The following USP38 variants were observed in gnomAD, a reference collection of about 807,000 sequenced individuals.
USP38 encodes ubiquitin carboxyl-terminal hydrolase 38.
In USP38, 49 loss-of-function variants were observed where a neutral mutation model predicts 94.3. That is an observed-to-expected ratio of 0.52 (90% confidence interval 0.41 to 0.66). USP38 has a LOEUF of 0.66. Ranked by LOEUF, USP38 falls within the 30% of genes least tolerant of loss-of-function variation. The probability of loss-of-function intolerance (pLI) is 0.00; values close to 1 mark genes in which losing one functional copy is unlikely to be tolerated. For synonymous variants in USP38, 468 were observed against 463.6 expected (o/e 1.01, Z -0.12); for missense variants, 1,128 against 1,229.4 (o/e 0.92, Z 1.23).
chr4:143,209,503 G>T, intron 6 of USP38, 61 bp from the exon 7 acceptor site: 1 of 953,144 alleles, frequency 1.0e-6, no homozygotes. Context: ...AAAAAAAAAA[G>T]CTTTTAATAA....
Position 143,185,351 on chromosome 4 carries a change from C to G in USP38, c.-100C>G. On this transcript the variant is annotated 5_prime_UTR_variant, in exon 1 of 10. Coordinates refer to ENST00000307017, the MANE Select transcript of USP38 (RefSeq NM_032557.6). Reference sequence around the variant, plus strand: ...GTGGCCCGTCGCGCTGCTGCTGCGGCGCTCCAAGTTCATCTCCGCCCCGGG... The same window carrying G: ...GTGGCCCGTCGCGCTGCTGCTGCGGGGCTCCAAGTTCATCTCCGCCCCGGG... The G allele has an allele frequency of 7.5e-7, 1 of 1,328,306 alleles. No homozygotes were observed. The highest frequency in any genetic ancestry group is 1.5e-5 in the African/African-American group (1 of 67,896). The allele number at this position is 1,328,306 out of a possible 1,614,324, so 82.3% of individuals were successfully genotyped here.
intron 3 of USP38, among the ~76,000 whole-genome samples, chr4:143,197,097 T>A (rs75053860): frequency 1.3e-5 from 2 of 152,210 alleles, no homozygotes; most frequent in Non-Finnish European, 2.9e-5. Context: ...CATTTCCCAC[T>A]GTTACTGCCT....
At chr4:143,196,201 G>A (rs1233725583) in intron 3 of USP38, among the ~76,000 whole-genome samples, 1 of 152,150 alleles carries the variant, frequency 6.6e-6, no homozygotes, top group Non-Finnish European at 1.5e-5. Flanking sequence ...AGCTGCTCAG[G>A]AGGCTGAGGC....
chr4:143,214,833 A>G lies in USP38; in HGVS notation c.2857A>G (p.Asn953Asp). The G allele has an allele frequency of 1.9e-6, 3 of 1,613,714 alleles. No individual in the cohort carries two copies. The highest frequency in any genetic ancestry group is 2.5e-6 in the Non-Finnish European group (3 of 1,179,756). The change falls in exon 9 of 10, where the codon AAT (asparagine) becomes GAT (aspartate). Residue 953 changes from asparagine (N) to aspartate (D), a missense_variant. Transcript: ENST00000307017. ...VLLYKKQHST[N>D]GLSGNNPTSG... ...TTTGTATAAAAAACAGCATAGTACTAATGGTTTAAGTGGTAATAACCCAAC... is the reference window on the plus strand; with the variant it reads ...TTTGTATAAAAAACAGCATAGTACTGATGGTTTAAGTGGTAATAACCCAAC...
intron 2 of USP38, among the ~76,000 whole-genome samples, chr4:143,189,250 T>C (rs1419857092): frequency 6.6e-6 from 1 of 152,086 alleles, no homozygotes; most frequent in African/African-American, 2.4e-5. Flanking sequence ...GGTGCTCATC[T>C]GTAGAGCTTA....
At chr4:143,207,310 C>T (rs1414139033) in intron 6 of USP38, among the ~76,000 whole-genome samples, 1 of 152,160 alleles carries the variant, frequency 6.6e-6, no homozygotes, top group Non-Finnish European at 1.5e-5. Flanking sequence ...GAGGGTGAGG[C>T]AGGTGGATCA....
intron 9 of USP38, among the ~76,000 whole-genome samples, chr4:143,216,412 G>T (rs1030767184): frequency 6.6e-6 from 1 of 151,818 alleles, no homozygotes; most frequent in Admixed American, 6.6e-5. Context: ...ATTAAGACTA[G>T]GTAGTAAATC....
chr4:143,211,792 T>C (rs1732031275), intron 7 of USP38, among the ~76,000 whole-genome samples: 1 of 152,108 alleles, frequency 6.6e-6, no homozygotes, highest in African/African-American at 2.4e-5. Flanking sequence ...TTAGCAAAGG[T>C]TTCTAACCAG....
At chr4:143,188,035 T>C in intron 2 of USP38, 74 bp downstream of exon 2, 1 of 1,441,700 alleles carries the variant, frequency 6.9e-7, no homozygotes, top group Non-Finnish European at 9.2e-7. Flanking sequence ...TTGTGAGTAA[T>C]GAAAAACTTA....
Position 143,206,167 on chromosome 4 carries a change from T to A in USP38, c.1344T>A (p.Ile448=), listed in dbSNP as rs1309251025. ...GKSETGKTGL[I]NLGNTCYMNS... Reference sequence around the variant, plus strand: ...CTGAAACTGGGAAAACTGGTCTTATTAACCTAGGAAATACATGTTATATGA... The same window carrying A: ...CTGAAACTGGGAAAACTGGTCTTATAAACCTAGGAAATACATGTTATATGA... Residue 448 remains isoleucine (I), a synonymous_variant, in exon 6 of 10, where the codon ATT becomes ATA. Transcript: ENST00000307017. 2 of 1,613,742 alleles carry A rather than the reference T, an allele frequency of 1.2e-6. No homozygotes were observed. The highest frequency in any genetic ancestry group is 1.7e-6 in the Non-Finnish European group (2 of 1,179,898).
At chr4:143,200,240 G>T (rs1241040473) in intron 4 of USP38, among the ~76,000 whole-genome samples, 1 of 151,988 alleles carries the variant, frequency 6.6e-6, no homozygotes, top group Non-Finnish European at 1.5e-5. Flanking sequence ...GGTTAGTTTA[G>T]CATACACAAA....
intron 7 of USP38, among the ~76,000 whole-genome samples, chr4:143,211,938 T>TC (rs1732036071): frequency 6.6e-6 from 1 of 152,182 alleles, no homozygotes; most frequent in Non-Finnish European, 1.5e-5. Context: ...CATTAATCTT[T>TC]TTTAGATTTG....
At chr4:143,187,992 T>C in intron 2 of USP38, 31 bp downstream of exon 2, 2 of 1,575,762 alleles carry the variant, frequency 1.3e-6, no homozygotes, top group Non-Finnish European at 1.7e-6. Flanking sequence ...TAATGGTAAT[T>C]GTAGATTTGG....
chr4:143,195,573 C>A, intron 2 of USP38, 143 bp from the exon 3 acceptor site: 1 of 749,320 alleles, frequency 1.3e-6, no homozygotes, highest in Non-Finnish European at 2.0e-6. Context: ...ACATTCACTT[C>A]TACATCTTGG....
At position 143,197,818 on chromosome 4, in the gene USP38, T is replaced by G; in HGVS notation, c.949-5T>G. On this transcript the variant is annotated splice_region_variant and splice_polypyrimidine_tract_variant and intron_variant, in intron 3 of 9. Transcript: ENST00000307017. ...CTTAAGAAGGTGTCTTGTCTTATTT[T>G]GAAGGTTTTTAATCGACTTTGGTTT... is the stretch of plus-strand genomic sequence containing the variant. 6.2e-7 allele frequency: 1 copy of G among 1,605,280 alleles called. No individual in the cohort carries two copies. The highest frequency in any genetic ancestry group is 2.2e-5 in the East Asian group (1 of 44,824).
chr4:143,185,552 C>G lies in USP38; in HGVS notation c.102C>G (p.Asp34Glu), dbSNP rs762641102. The stretch of plus-strand genomic sequence containing the variant: ...TGGAATCGGCGGAGCACTGGCTAGA[C>G]GAGGCGCAGTGCGAGGCCATGTTTG... Reference protein sequence around the residue: ...KVVESAEHWLDEAQCEAMFDL... With the variant: ...KVVESAEHWLEEAQCEAMFDL... The change falls in exon 1 of 10, where the codon GAC (aspartate) becomes GAG (glutamate). Residue 34 changes from aspartate (D) to glutamate (E), a missense_variant. Asp to Glu is a conservative substitution (Grantham distance 45). Coordinates refer to ENST00000307017, the MANE Select transcript of USP38 (RefSeq NM_032557.6). The G allele has an allele frequency of 2.5e-6, 4 of 1,614,056 alleles. No homozygotes were observed. The highest frequency in any genetic ancestry group is 2.2e-5 in the South Asian group (2 of 91,068).
chr4:143,200,259 A>G (rs1213525216), intron 4 of USP38, among the ~76,000 whole-genome samples: 2 of 152,188 alleles, frequency 1.3e-5, no homozygotes, highest in Non-Finnish European at 2.9e-5. Context: ...AATAAATCAC[A>G]TAAACAGAAA....
chr4:143,209,442 A>T, intron 6 of USP38, 122 bp from the exon 7 acceptor site: 1 of 552,398 alleles, frequency 1.8e-6, no homozygotes, highest in Non-Finnish European at 3.0e-6. Context: ...GTGAGCTGAG[A>T]TTGTGCCACT....
intron 2 of USP38, among the ~76,000 whole-genome samples, chr4:143,193,778 C>G (rs116364421): frequency 6.6e-6 from 1 of 152,168 alleles, no homozygotes; most frequent in Non-Finnish European, 1.5e-5. Flanking sequence ...TGAAAATAAC[C>G]ATATAAATGA....
Sources: allele counts gnomAD v4.1 joint callset (sites outside exome capture counted in the v4.1 genomes callset), GRCh38; gene constraint gnomAD v4.1.1; transcripts MANE v1.5; gene names NCBI Gene and HGNC (gene_info 2026-07-23, HGNC 2026-07-21).